SLAMF9: variants seen among roughly 807,000 people sequenced by gnomAD.
The protein encoded by SLAMF9 is SLAM family member 9.
In SLAMF9, 25 loss-of-function variants were observed where a neutral mutation model predicts 30.4. The ratio of observed to expected loss-of-function variants is 0.82; its 90% CI spans 0.60 to 1.15. SLAMF9 has a LOEUF of 1.15. Ranked by LOEUF, SLAMF9 falls within the 50% of genes most tolerant of loss-of-function variation. SLAMF9 has a pLI of 0.00. For missense variants in SLAMF9, 344 were observed against 346.1 expected, an observed-to-expected ratio of 0.99 and a Z score of 0.05; for synonymous variants, 129 against 127.2, an observed-to-expected ratio of 1.01 and a Z score of -0.09.
chr1:159,960,832 T>A, the SLAMF9 span, among the ~76,000 whole-genome samples: 1 of 152,152 alleles, frequency 6.6e-6, no homozygotes, highest in Non-Finnish European at 1.5e-5. Flanking sequence ...GGGGTGCAGC[T>A]GAGGGAGTGC....
the SLAMF9 span, chr1:159,961,265 G>C: frequency 6.6e-6 from 1 of 152,144 alleles, no homozygotes; most frequent in Non-Finnish European, 1.5e-5. Flanking sequence ...GTGAAAAGCT[G>C]GTCCTGCTGT....
the SLAMF9 span, among the ~76,000 whole-genome samples, chr1:159,967,730 T>C: frequency 6.6e-6 from 1 of 152,228 alleles, no homozygotes; most frequent in Non-Finnish European, 1.5e-5. Context: ...TTCCAATCCA[T>C]GAACATGGAA....
chr1:159,978,533 AC>A, the SLAMF9 span: 4 of 152,260 alleles, frequency 2.6e-5, no homozygotes, highest in South Asian at 8.3e-4. Flanking sequence ...GCATGCATAA[AC>A]TGTATCTTAT....
At chr1:159,953,131 G>A (rs1463884028) in intron 2 of SLAMF9, among the ~76,000 whole-genome samples, 178 bp downstream of exon 2, 1 of 152,104 alleles carries the variant, frequency 6.6e-6, no homozygotes, top group African/African-American at 2.4e-5. Flanking sequence ...CTGTTGCTGC[G>A]GTTCAGATAC....
At chr1:159,953,178 G>T in intron 2 of SLAMF9, 131 bp downstream of exon 2, 2 of 723,956 alleles carry the variant, frequency 2.8e-6, no homozygotes, top group Non-Finnish European at 4.6e-6. Flanking sequence ...ACAGTATCTA[G>T]ATTGGAGACA....
At chr1:159,978,003 A>T in the SLAMF9 span, among the ~76,000 whole-genome samples, 1 of 152,064 alleles carries the variant, frequency 6.6e-6, no homozygotes, top group East Asian at 1.9e-4. Flanking sequence ...ATACAGGAGG[A>T]TCTGTGGCCT....
the SLAMF9 span, among the ~76,000 whole-genome samples, chr1:159,962,608 A>T: frequency 6.6e-6 from 1 of 152,086 alleles, no homozygotes; most frequent in African/African-American, 2.4e-5. Context: ...GGATTACAAG[A>T]TGGGCCTCGG....
chr1:159,974,762 T>G, the SLAMF9 span, among the ~76,000 whole-genome samples: 2 of 152,322 alleles, frequency 1.3e-5, no homozygotes, highest in South Asian at 4.1e-4. Context: ...ATAGGTCAGG[T>G]AGCCTCAAGA....
upstream of SLAMF9, among the ~76,000 whole-genome samples, chr1:159,957,990 A>C (rs1571231983): frequency 6.6e-6 from 1 of 152,340 alleles, no homozygotes; most frequent in East Asian, 1.9e-4. Context: ...GAAGGGCCTC[A>C]GACCTTGATG....
At position 159,953,358 on chromosome 1, in the gene SLAMF9, C is replaced by T. The variant is rs140698454; in HGVS notation, c.342G>A (p.Leu114=). Residue 114 remains leucine, a synonymous_variant, in exon 2 of 4, where the codon CTG becomes CTA. Coordinates refer to ENST00000368093, the MANE Select transcript of SLAMF9 (RefSeq NM_033438.4). ...GCATGGTAGAGATCTGGGATGTTCT[C>T]AGGTTGACTTGAGCTTGGTAAAGCC... The part of the protein sequence containing the change: ...DSGLYQAQVN[L]RTSQISTMQQ... 2 of 1,613,330 alleles carry T rather than the reference C, an allele frequency of 1.2e-6. No homozygotes were observed. Among genetic ancestry groups the T allele is most frequent in the African/African-American group, 2.7e-5 (2 of 74,916 alleles).
the SLAMF9 span, among the ~76,000 whole-genome samples, chr1:159,974,790 G>A: frequency 6.6e-6 from 1 of 152,206 alleles, no homozygotes; most frequent in Non-Finnish European, 1.5e-5. Context: ...GCCATGGCTG[G>A]GAGTCAAGCC....
intron 1 of SLAMF9, among the ~76,000 whole-genome samples, 159 bp from the exon 2 acceptor site, chr1:159,953,812 C>T (rs1252589584): frequency 1.3e-5 from 2 of 152,208 alleles, no homozygotes; most frequent in Non-Finnish European, 2.9e-5. Context: ...CTCTAGATTT[C>T]CCCTTTCCCT....
the SLAMF9 span, among the ~76,000 whole-genome samples, chr1:159,966,479 C>G: frequency 6.6e-6 from 1 of 152,148 alleles, no homozygotes; most frequent in Non-Finnish European, 1.5e-5. Context: ...GATATATTCT[C>G]AGAAGTGGGA....
At chr1:159,973,867 T>G in the SLAMF9 span, 2 of 1,613,406 alleles carry the variant, frequency 1.2e-6, no homozygotes, top group Non-Finnish European at 1.7e-6. Context: ...ACCTGCCCAG[T>G]GCAGCTGTAC....
upstream of SLAMF9, chr1:159,954,394 A>C (rs1651879454): frequency 2.8e-6 from 1 of 354,648 alleles, no homozygotes; most frequent in Non-Finnish European, 5.1e-6. Context: ...GATGCCATCC[A>C]CCAAACTCAG....
rs1405709499 is a variant in SLAMF9, at chr1:159,953,149, G to A, written c.391+160C>T. ...TTGCTGCGGTTCAGATACAACAGGT[G>A]GATTGGGCACACTCAATCACAGTAT... On this transcript the variant is annotated intron_variant, in intron 2 of 3. Transcript: ENST00000368093. 2.0e-5 allele frequency among the ~76,000 whole-genome samples: 3 copies of A among 152,128 alleles called. No individual in the cohort carries two copies. In the East Asian group the frequency reaches 5.8e-4, roughly 29 times the overall value.
At chr1:159,952,238 G>T (rs779092245) in intron 3 of SLAMF9, 24 bp downstream of exon 3, 1 of 1,612,486 alleles carries the variant, frequency 6.2e-7, no homozygotes, top group Non-Finnish European at 8.5e-7. Flanking sequence ...ATGAGCTCAG[G>T]GGGTGTCTCA....
At position 159,952,393 on chromosome 1, in the gene SLAMF9, G is replaced by A; in HGVS notation, c.533C>T (p.Thr178Ile). 1.2e-6 allele frequency: 2 copies of A among 1,614,104 alleles called. No individual in the cohort carries two copies. The highest frequency in any genetic ancestry group is 1.7e-6 in the Non-Finnish European group (2 of 1,180,012). ...GCTGAGGACAGGGCCTTCATGGAAT[G>A]TATAAGTGCTATCCCCCCGGGAGAG... is the stretch of plus-strand genomic sequence containing the variant. ...SWLSRGDSTY[T>I]FHEGPVLSTS... is the part of the protein sequence containing the mutation. Residue 178 changes from threonine (T) to isoleucine (I), a missense_variant, in exon 3 of 4, where the codon ACA (threonine) becomes ATA (isoleucine). Physicochemically the swap from Thr to Ile is moderately conservative, Grantham distance 89. Transcript: ENST00000368093.
upstream of SLAMF9, among the ~76,000 whole-genome samples, chr1:159,957,169 TAG>T (rs1313249709): frequency 1.8e-5 from 2 of 114,226 alleles, no homozygotes; most frequent in Admixed American, 1.8e-4. Flanking sequence ...GAACTACAAG[TAG>T]AGAGTAGAGT....
Sources: allele counts gnomAD v4.1 joint callset (sites outside exome capture counted in the v4.1 genomes callset), GRCh38; gene constraint gnomAD v4.1.1; transcripts MANE v1.5; gene names NCBI Gene and HGNC (gene_info 2026-07-23, HGNC 2026-07-21).